The following CRIPT variants were observed in gnomAD, a reference collection of about 807,000 sequenced individuals.
CRIPT encodes the protein cysteine-rich PDZ-binding protein.
A neutral mutation model predicts 16.6 loss-of-function variants in CRIPT; 20 were observed. The observed-to-expected ratio is 1.20, with a 90% CI of 0.85 to 1.75. The LOEUF is 1.75. CRIPT is among the 40% of genes most tolerant of loss of function. The pLI, the probability that CRIPT is intolerant of heterozygous loss-of-function variation, is 0.00. For synonymous variants in CRIPT, 42 were observed against 37.0 expected (o/e 1.14, Z -0.49); for missense variants, 133 against 115.3 (o/e 1.15, Z -0.70).
intron 1 of CRIPT, among the ~76,000 whole-genome samples, chr2:46,617,918 A>G (rs1670705341): frequency 6.6e-6 from 1 of 151,842 alleles, no homozygotes; most frequent in African/African-American, 2.4e-5. Flanking sequence ...TTCCAGCTTC[A>G]TCTTCACTGA....
intron 3 of CRIPT, among the ~76,000 whole-genome samples, chr2:46,622,416 A>G (rs1294942715): frequency 2.0e-5 from 3 of 152,178 alleles, no homozygotes; most frequent in Non-Finnish European, 2.9e-5. Flanking sequence ...GTATTTTTGA[A>G]TAATAAAATA....
At position 46,624,122 on chromosome 2, in the gene CRIPT, G is replaced by C. The variant is rs760644762; in HGVS notation, c.242-41G>C. On this transcript the variant is annotated intron_variant, in intron 4 of 4. Coordinates refer to ENST00000238892, the MANE Select transcript of CRIPT (RefSeq NM_014171.6). ...AGGATTGACTTAAACCAAACAGTTG[G>C]TATTATGATTTGATTGATCACATAT... The C allele has an allele frequency of 2.1e-5, 30 of 1,422,808 alleles. No homozygotes were observed. In the African/African-American group the frequency reaches 4.0e-4, roughly 19 times the overall value. 88.1% of individuals were successfully genotyped at this position (1,422,808 alleles called of 1,614,324 possible).
intron 1 of CRIPT, 70 bp downstream of exon 1, chr2:46,617,368 T>A (rs1670686899): frequency 6.6e-7 from 1 of 1,505,190 alleles, no homozygotes; most frequent in Non-Finnish European, 9.0e-7. Flanking sequence ...CCGGGAACTT[T>A]GCTTTCTCGT....
At position 46,628,193 on chromosome 2, in the gene CRIPT, C is replaced by T. The variant is rs1331187112; in HGVS notation, c.*3966C>T. Among the ~76,000 whole-genome samples the T allele has an allele frequency of 1.3e-5, 2 of 151,680 alleles. No individual in the cohort carries two copies. The highest frequency in any genetic ancestry group is 2.9e-5 in the Non-Finnish European group (2 of 67,938). On this transcript the variant is annotated 3_prime_UTR_variant, in exon 5 of 5. Coordinates refer to ENST00000238892, the MANE Select transcript of CRIPT (RefSeq NM_014171.6). ...CTGTGCAATCTCAGCTCACTGCAAC[C>T]TCTGCCTCCTGAGTTCAAGCAATTC...
chr2:46,621,277 G>A (rs149976266), intron 3 of CRIPT, among the ~76,000 whole-genome samples: 65 of 152,178 alleles, frequency 4.3e-4, no homozygotes, highest in African/African-American at 1.4e-3. Context: ...GCTTCGTATT[G>A]TACCACACTG....
chr2:46,620,500 C>G (rs1208318497), intron 3 of CRIPT, among the ~76,000 whole-genome samples: 2 of 151,980 alleles, frequency 1.3e-5, no homozygotes, highest in Non-Finnish European at 1.5e-5. Flanking sequence ...TCTTTGCTCC[C>G]CTTCACATCA....
intron 1 of CRIPT, 105 bp downstream of exon 1, chr2:46,617,403 C>G (rs1003784736): frequency 1.7e-5 from 22 of 1,265,774 alleles, no homozygotes; most frequent in African/African-American, 6.0e-5. Context: ...CCACAGGTCT[C>G]AGATTCTATC....
At position 46,630,007 on chromosome 2, in the gene CRIPT, AT is replaced by A. The variant is rs1329530190; in HGVS notation, c.*5781del. On this transcript the variant is annotated 3_prime_UTR_variant, in exon 5 of 5. Transcript: ENST00000238892. ...TGTAAGGAAGAGGTTTCCCTTTATCATCAACTTCGAGTAAGTACTTTTTTCT... is the reference window on the plus strand; with the variant it reads ...TGTAAGGAAGAGGTTTCCCTTTATCACAACTTCGAGTAAGTACTTTTTTCT... Among the ~76,000 whole-genome samples, 1 of 152,138 alleles carries A rather than the reference AT, an allele frequency of 6.6e-6. No homozygotes were observed. Among genetic ancestry groups the A allele is most frequent in the African/African-American group, 2.4e-5 (1 of 41,432 alleles).
At chr2:46,619,904 C>G (rs1026855518) in intron 3 of CRIPT, among the ~76,000 whole-genome samples, 6 of 152,134 alleles carry the variant, frequency 3.9e-5, no homozygotes, top group Admixed American at 1.3e-4. Flanking sequence ...TACAGTTTCA[C>G]CAGAAAACAT....
intron 4 of CRIPT, 85 bp downstream of exon 4, chr2:46,623,952 C>T (rs1670873231): frequency 1.6e-5 from 15 of 952,100 alleles, no homozygotes. Flanking sequence ...TGTAGCCTGT[C>T]ATAAATTCTG....
rs1162688116 is a variant in CRIPT at position 46,626,947 on chromosome 2, C to T, written c.*2720C>T. ...TCCCGGGTTCAAGCGATTCTCCTGC[C>T]CCAGCCTCCTGAGTTGCTGGGATTA... On this transcript the variant is annotated 3_prime_UTR_variant, in exon 5 of 5. Transcript: ENST00000238892. Among the ~76,000 whole-genome samples the T allele has an allele frequency of 6.6e-6, 1 of 152,112 alleles. No individual in the cohort carries two copies. The highest frequency in any genetic ancestry group is 1.5e-5 in the Non-Finnish European group (1 of 68,028).
chr2:46,628,406 G>GT lies in CRIPT; in HGVS notation c.*4179_*4180insT, dbSNP rs1206698354. Among the ~76,000 whole-genome samples, 43 of 152,126 alleles carry GT rather than the reference G, an allele frequency of 2.8e-4. No individual in the cohort carries two copies. Among genetic ancestry groups the GT allele is most frequent in the Non-Finnish European group, 5.9e-4 (40 of 68,018 alleles). ...ATTACAGGCGTGAGCCACTGGACCC[G>GT]GCAGGATTTTTCTAATTCTGTGAAA... On this transcript the variant is annotated 3_prime_UTR_variant, in exon 5 of 5. Transcript: ENST00000238892.
rs1572797388 is a variant in CRIPT at position 46,625,945 on chromosome 2, A to G, written c.*1718A>G. Among the ~76,000 whole-genome samples the G allele has an allele frequency of 6.6e-6, 1 of 152,210 alleles. No homozygotes were observed. Among genetic ancestry groups the G allele is most frequent in the Non-Finnish European group, 1.5e-5 (1 of 68,000 alleles). ...TTTTTTTGTTGTTGTTGTTGTTTTT[A>G]TAATTTCAACTTTTATTTTAGATGT... On this transcript the variant is annotated 3_prime_UTR_variant, in exon 5 of 5. Coordinates refer to ENST00000238892, the MANE Select transcript of CRIPT (RefSeq NM_014171.6).
At chr2:46,624,115 A>G in intron 4 of CRIPT, 48 bp from the exon 5 acceptor site, 1 of 1,352,020 alleles carries the variant, frequency 7.4e-7, no homozygotes, top group Non-Finnish European at 1.0e-6. Flanking sequence ...CTTAAACCAA[A>G]CAGTTGGTAT....
intron 2 of CRIPT, 47 bp downstream of exon 2, chr2:46,618,885 G>T: frequency 9.1e-7 from 1 of 1,101,052 alleles, no homozygotes; most frequent in South Asian, 1.3e-5. Context: ...TACTTACTGT[G>T]AATAATACCT....
intron 3 of CRIPT, among the ~76,000 whole-genome samples, chr2:46,622,369 C>CAAA (rs1239573643): frequency 1.4e-5 from 1 of 73,796 alleles, no homozygotes; most frequent in Non-Finnish European, 2.8e-5. Flanking sequence ...GACTCCGTCT[C>CAAA]AAAAAAAAAA....
intron 3 of CRIPT, among the ~76,000 whole-genome samples, chr2:46,622,590 G>A (rs35449212): frequency 0.27 from 41,665 of 151,812 alleles, 6,062 homozygotes; most frequent in Admixed American, 0.34. Flanking sequence ...AACGCAGGCG[G>A]ATCTCCTGAG....
Position 46,624,412 on chromosome 2 carries a change from A to C in CRIPT, c.*185A>C, listed in dbSNP as rs897418855. 1 of 379,022 alleles carries C rather than the reference A, an allele frequency of 2.6e-6. No homozygotes were observed. Among genetic ancestry groups the C allele is most frequent in the African/African-American group, 2.1e-5 (1 of 47,986 alleles). The allele number at this position is 379,022 out of a possible 1,614,324, so 23.5% of individuals were successfully genotyped here. ...ACAGTGTAACTAGTCTTTTGTTGTA[A>C]ATGGTTATTTTCCTTATAAGAATTT... On this transcript the variant is annotated 3_prime_UTR_variant, in exon 5 of 5. Transcript: ENST00000238892.
intron 3 of CRIPT, among the ~76,000 whole-genome samples, chr2:46,621,776 C>G (rs1328595264): frequency 6.6e-6 from 1 of 152,204 alleles, no homozygotes; most frequent in Non-Finnish European, 1.5e-5. Context: ...CATACAGTGC[C>G]TAGCACATAA....
Sources: allele counts gnomAD v4.1 joint callset (sites outside exome capture counted in the v4.1 genomes callset), GRCh38; gene constraint gnomAD v4.1.1; transcripts MANE v1.5; gene names NCBI Gene and HGNC (gene_info 2026-07-23, HGNC 2026-07-21).